Variants in ELP4 observed in about 807,000 individuals in gnomAD.
ELP4 encodes the protein elongator complex protein 4.
Under a neutral mutation model 48.9 loss-of-function variants are expected in ELP4, and 51 were observed. The ratio of observed to expected loss-of-function variants is 1.04; its 90% confidence interval spans 0.83 to 1.32. ELP4 has a LOEUF of 1.32. Ranked by LOEUF, ELP4 falls within the 40% of genes most tolerant of loss-of-function variation. The probability of loss-of-function intolerance (pLI) is 0.00; values close to 1 mark genes in which losing one functional copy is unlikely to be tolerated. For synonymous variants in ELP4, 210 were observed against 189.2 expected (o/e 1.11, Z -0.90); for missense variants, 519 against 514.6 (o/e 1.01, Z -0.08).
chr11:31,510,337 T>G, intron 1 of ELP4: 1 of 496,100 alleles, frequency 2.0e-6, no homozygotes, highest in South Asian at 4.1e-5. Flanking sequence ...GGTTTGGCTT[T>G]CATTCAGGAT....
At chr11:31,763,334 T>G in intron 9 of ELP4, 1 of 1,301,816 alleles carries the variant, frequency 7.7e-7, no homozygotes, top group Non-Finnish European at 1.0e-6. Flanking sequence ...GATGTTAGCT[T>G]TTTCCCCCTC....
intron 3 of ELP4, among the ~76,000 whole-genome samples, chr11:31,572,018 C>T (rs1592127929): frequency 1.3e-5 from 2 of 152,184 alleles, no homozygotes; most frequent in South Asian, 2.1e-4. Flanking sequence ...TAGCCCCTAA[C>T]GGAGAGTCAG....
At chr11:31,558,296 A>G (rs1956960603) in intron 3 of ELP4, among the ~76,000 whole-genome samples, 1 of 152,182 alleles carries the variant, frequency 6.6e-6, no homozygotes, top group African/African-American at 2.4e-5. Flanking sequence ...ATTTCTAGCC[A>G]GCTTTTAAAG....
chr11:31,564,092 G>A (rs553417537), intron 3 of ELP4, among the ~76,000 whole-genome samples: 43 of 152,230 alleles, frequency 2.8e-4, no homozygotes, highest in Admixed American at 6.5e-4. Context: ...CCTCTGGAGG[G>A]TCAATGACTC....
rs1379695879 is a variant in ELP4, at chr11:31,651,010, C to T, written c.1143+789C>T. On this transcript the variant is annotated intron_variant, in intron 9 of 9. Transcript: ENST00000640961. ...AAATGAAAAGCTCCTAAGCAGGCCA[C>T]TTGTCTTAACTGCTTGAAACCATAA... 3 of 151,592 alleles carry T rather than the reference C, an allele frequency of 2.0e-5. No homozygotes were observed. The Admixed American group carries it at 2.0e-4, about 10-fold the overall frequency. The allele number at this position is 151,592 out of a possible 1,614,324, so 9.4% of individuals were successfully genotyped here.
At chr11:31,612,910 G>T (rs1958008669) in intron 5 of ELP4, among the ~76,000 whole-genome samples, 1 of 152,160 alleles carries the variant, frequency 6.6e-6, no homozygotes, top group Non-Finnish European at 1.5e-5. Context: ...GGAGTGATTT[G>T]AAAGTGATAC....
rs757792983 is a variant in ELP4, at chr11:31,668,675, C to CATGTGT, written c.1143+18454_1143+18455insATGTGT. ...ATCGGAATGAAATTTCCTTTGGTAC[C>CATGTGT]GTGTGTGTGTGTGTGTGTGTGTGTG... On this transcript the variant is annotated intron_variant, in intron 9 of 9. Coordinates refer to ENST00000640961, the MANE Select transcript of ELP4 (RefSeq NM_019040.5). Among the ~76,000 whole-genome samples the CATGTGT allele has an allele frequency of 6.5e-3, 782 of 121,084 alleles. 39 individuals carry two copies. Among genetic ancestry groups the CATGTGT allele is most frequent in the African/African-American group, 0.019 (620 of 32,242 alleles). The allele number at this position is 121,084 out of a possible 152,430, so 79.4% of individuals were successfully genotyped here. A position where few individuals can be genotyped will look rare whatever the true frequency, so the allele number is the denominator to read the frequency against.
intron 3 of ELP4, among the ~76,000 whole-genome samples, chr11:31,552,290 C>T (rs1351620577): frequency 2.0e-5 from 3 of 152,160 alleles, no homozygotes; most frequent in South Asian, 2.1e-4. Context: ...TCGCTGATCA[C>T]GTCTGCCCCA....
At chr11:31,598,492 CTT>C (rs1957718328) in intron 4 of ELP4, among the ~76,000 whole-genome samples, 1 of 110,434 alleles carries the variant, frequency 9.1e-6, no homozygotes, top group African/African-American at 3.2e-5. Context: ...CTTTTTTTTT[CTT>C]TTCTTCTTCT....
At chr11:31,707,084 T>C (rs902519451) in intron 9 of ELP4, 6 of 398,032 alleles carry the variant, frequency 1.5e-5, no homozygotes, top group African/African-American at 1.2e-4. Context: ...TCCTTTCCTT[T>C]GGAGAAATTC....
chr11:31,548,156 G>A (rs1314949983), intron 3 of ELP4, among the ~76,000 whole-genome samples: 1 of 152,166 alleles, frequency 6.6e-6, no homozygotes, highest in Non-Finnish European at 1.5e-5. Context: ...GCAGGAGAAG[G>A]AAATAAGGGT....
chr11:31,600,990 C>G (rs1490673544), intron 4 of ELP4, among the ~76,000 whole-genome samples: 3 of 151,932 alleles, frequency 2.0e-5, no homozygotes. Flanking sequence ...CCACAGACGA[C>G]AAAGTCAAAA....
At chr11:31,773,466 T>C (rs1394413262) in intron 9 of ELP4, among the ~76,000 whole-genome samples, 1 of 152,150 alleles carries the variant, frequency 6.6e-6, no homozygotes, top group African/African-American at 2.4e-5. Context: ...ACTGGAGGTA[T>C]TAATTGAACA....
At chr11:31,578,282 A>G (rs966268317) in intron 3 of ELP4, among the ~76,000 whole-genome samples, 5 of 152,216 alleles carry the variant, frequency 3.3e-5, no homozygotes, top group Non-Finnish European at 7.3e-5. Context: ...CTGCTCAGCG[A>G]AAGAAGAGAA....
rs911279468 is a variant in ELP4, at chr11:31,662,547, T to TA, written c.1143+12327dup. ...ACAGTGCATCACTAAGTTGAGATCT[T>TA]ACGACCTGCGAAGGCAAAGATATTT... On this transcript the variant is annotated intron_variant, in intron 9 of 9. Transcript: ENST00000640961. 3.7e-4 allele frequency: 148 copies of TA among 397,832 alleles called. No homozygotes were observed. The East Asian group carries it at 5.2e-3, about 14-fold the overall frequency. 24.6% of individuals were successfully genotyped at this position (397,832 alleles called of 1,614,324 possible).
At chr11:31,717,715 C>G (rs2134181249) in intron 9 of ELP4, among the ~76,000 whole-genome samples, 1 of 151,054 alleles carries the variant, frequency 6.6e-6, no homozygotes, top group East Asian at 2.0e-4. Context: ...GATTGCGCCA[C>G]TGCACTCCAA....
chr11:31,519,564 C>T (rs537682815), intron 1 of ELP4, among the ~76,000 whole-genome samples: 2 of 152,208 alleles, frequency 1.3e-5, no homozygotes, highest in Non-Finnish European at 2.9e-5. Context: ...CTGGCTCACG[C>T]CTGTAATCCC....
At chr11:31,592,390 A>G (rs985815065) in intron 3 of ELP4, among the ~76,000 whole-genome samples, 2 of 151,882 alleles carry the variant, frequency 1.3e-5, no homozygotes, top group African/African-American at 4.8e-5. Flanking sequence ...AAAAATGCAA[A>G]AATTAGCCAA....
chr11:31,706,438 C>G (rs1018270063), intron 9 of ELP4, among the ~76,000 whole-genome samples: 1 of 150,576 alleles, frequency 6.6e-6, no homozygotes, highest in Non-Finnish European at 1.5e-5. Context: ...CAAGACCAGC[C>G]TAGTCTATAT....
Sources: allele counts gnomAD v4.1 joint callset (sites outside exome capture counted in the v4.1 genomes callset), GRCh38; gene constraint gnomAD v4.1.1; transcripts MANE v1.5; gene names NCBI Gene and HGNC (gene_info 2026-07-23, HGNC 2026-07-21).